MAST4: variants seen among roughly 807,000 people sequenced by gnomAD.
MAST4 encodes microtubule-associated serine/threonine-protein kinase 4.
MAST4 carries 89 observed loss-of-function variants against 162.7 expected under a neutral mutation model. The ratio of observed to expected loss-of-function variants is 0.55; its 90% CI spans 0.46 to 0.65. The LOEUF (loss-of-function observed/expected upper bound fraction) is 0.65. Ranked by LOEUF, MAST4 falls within the 30% of genes least tolerant of loss-of-function variation. The probability of loss-of-function intolerance (pLI) is 0.00; values close to 1 mark genes in which losing one functional copy is unlikely to be tolerated. For synonymous variants in MAST4, 1,479 were observed against 1,361.1 expected, an observed-to-expected ratio of 1.09 and a Z score of -1.91; for missense variants, 3,153 against 3,374.0, an observed-to-expected ratio of 0.93 and a Z score of 1.62.
chr5:66,787,920 T>C (rs994676971), intron 2 of MAST4, among the ~76,000 whole-genome samples: 5 of 152,200 alleles, frequency 3.3e-5, no homozygotes, highest in African/African-American at 1.2e-4. Flanking sequence ...TTCATGTCCA[T>C]CCTAATTTTC....
chr5:66,802,941 C>T (rs1037446244), intron 3 of MAST4, among the ~76,000 whole-genome samples: 1 of 152,076 alleles, frequency 6.6e-6, no homozygotes, highest in Admixed American at 6.5e-5. Flanking sequence ...CATATAGGCT[C>T]TTTGCTTTGC....
At position 66,647,194 on chromosome 5, in the gene MAST4, A is replaced by G. The variant is rs75557642; in HGVS notation, c.363+50176A>G. Among the ~76,000 whole-genome samples the G allele has an allele frequency of 4.8e-3, 736 of 152,224 alleles. 10 individuals are homozygous for G. The highest frequency in any genetic ancestry group is 0.017 in the African/African-American group (704 of 41,540). ...TCCTAAACACTTGGGATGTTTTTCT[A>G]AAGTTTGGCTCCAGGATCACTGATT... On this transcript the variant is annotated intron_variant, in intron 1 of 28. Coordinates refer to ENST00000403625, the MANE Select transcript of MAST4 (RefSeq NM_001164664.2).
chr5:66,599,720 T>C (rs1307765577), intron 1 of MAST4, among the ~76,000 whole-genome samples: 2 of 152,198 alleles, frequency 1.3e-5, no homozygotes, highest in Non-Finnish European at 2.9e-5. Context: ...TAGCTTATAC[T>C]CATAAAATGG....
chr5:67,091,439 C>T (rs986600058), intron 6 of MAST4, among the ~76,000 whole-genome samples: 3 of 152,100 alleles, frequency 2.0e-5, no homozygotes, highest in Non-Finnish European at 4.4e-5. Flanking sequence ...GTTTTTACCC[C>T]CAGCTCCAGC....
chr5:66,978,186 T>A (rs1378335778), intron 4 of MAST4, among the ~76,000 whole-genome samples: 1 of 152,208 alleles, frequency 6.6e-6, no homozygotes, highest in Admixed American at 6.5e-5. Context: ...AAATCAGAAA[T>A]CTTTCTAGTA....
intron 5 of MAST4, among the ~76,000 whole-genome samples, chr5:67,075,952 T>C (rs1761593480): frequency 6.6e-6 from 1 of 152,194 alleles, no homozygotes; most frequent in Non-Finnish European, 1.5e-5. Context: ...GTAGTAGTCC[T>C]GGGAAACTAG....
intron 24 of MAST4, among the ~76,000 whole-genome samples, chr5:67,151,767 CTTTTTTTTT>C (rs1163541260): frequency 8.6e-6 from 1 of 115,668 alleles, no homozygotes; most frequent in African/African-American, 3.3e-5. Context: ...TTCTTTTTTT[CTTTTTTTTT>C]TTTTTTTTTG....
In MAST4 at chr5:67,166,666, C is replaced by A. The variant is rs200131786; in HGVS notation, c.7487C>A (p.Ala2496Asp). 3,823 of 1,597,164 alleles carry A rather than the reference C, an allele frequency of 2.4e-3. 10 individuals carry two copies. The highest frequency in any genetic ancestry group is 2.7e-3 in the Non-Finnish European group (3,197 of 1,172,008). The change falls in exon 29 of 29, where the codon GCC (alanine) becomes GAC (aspartate). Residue 2496 changes from alanine to aspartate, a missense_variant. This residue lies in a region of MAST4 where 1,644 missense variants were observed against 1,495.0 expected (regional missense o/e 1.10). Coordinates refer to ENST00000403625, the MANE Select transcript of MAST4 (RefSeq NM_001164664.2). ...GCCGGGGGCATGCTGGAGCTTCCAG[C>A]CCCCAGCAACAGGGACCATAGGAAG... The part of the protein sequence containing the change: ...KAAGGMLELP[A>D]PSNRDHRKAQ...
At chr5:66,954,174 T>A (rs551472510) in intron 4 of MAST4, among the ~76,000 whole-genome samples, 1 of 152,278 alleles carries the variant, frequency 6.6e-6, no homozygotes, top group South Asian at 2.1e-4. Flanking sequence ...TAAAAATATA[T>A]CACACTACTC....
chr5:66,793,389 C>T (rs1209193091), intron 3 of MAST4, among the ~76,000 whole-genome samples: 1 of 152,180 alleles, frequency 6.6e-6, no homozygotes. Context: ...ACTCATTTTC[C>T]CATTTGCTTC....
At chr5:67,049,027 A>ATATATATATATATATACG (rs1757774630) in intron 4 of MAST4, among the ~76,000 whole-genome samples, 1 of 84,032 alleles carries the variant, frequency 1.2e-5, no homozygotes, top group Non-Finnish European at 2.5e-5. Flanking sequence ...ATATACGTAT[A>ATATATATATATATATACG]TATATATATA....
At chr5:66,829,448 T>C (rs539223549) in intron 3 of MAST4, among the ~76,000 whole-genome samples, 16 of 152,146 alleles carry the variant, frequency 1.1e-4, no homozygotes, top group Non-Finnish European at 2.2e-4. Flanking sequence ...GTACCCAAGT[T>C]TCTCTGATGA....
intron 11 of MAST4, among the ~76,000 whole-genome samples, chr5:67,112,683 C>G (rs1482822667): frequency 1.3e-5 from 2 of 152,174 alleles, no homozygotes; most frequent in African/African-American, 4.8e-5. Context: ...GCAAAGCTCC[C>G]TGGCTGCACT....
intron 1 of MAST4, among the ~76,000 whole-genome samples, chr5:66,689,985 A>G (rs554497453): frequency 6.6e-6 from 1 of 152,270 alleles, no homozygotes; most frequent in Admixed American, 6.5e-5. Flanking sequence ...CTGCAAGTGT[A>G]TCATAGGCCA....
At chr5:66,639,840 A>G (rs1191550408) in intron 1 of MAST4, among the ~76,000 whole-genome samples, 3 of 152,172 alleles carry the variant, frequency 2.0e-5, no homozygotes, top group Non-Finnish European at 1.5e-5. Context: ...TTTTTATTGT[A>G]TATATTTAAA....
intron 4 of MAST4, among the ~76,000 whole-genome samples, chr5:67,031,323 C>T (rs1478776805): frequency 6.6e-6 from 1 of 152,044 alleles, no homozygotes; most frequent in Admixed American, 6.6e-5. Context: ...GCCTTTTTAG[C>T]CTGATTTATT....
At chr5:66,967,450 A>G (rs1383708706) in intron 4 of MAST4, among the ~76,000 whole-genome samples, 1 of 152,172 alleles carries the variant, frequency 6.6e-6, no homozygotes, top group Non-Finnish European at 1.5e-5. Flanking sequence ...ATGTCTGGGT[A>G]GTAAGACCTT....
At chr5:66,815,237 C>T (rs931496666) in intron 3 of MAST4, among the ~76,000 whole-genome samples, 5 of 152,102 alleles carry the variant, frequency 3.3e-5, no homozygotes, top group Admixed American at 6.6e-5. Flanking sequence ...ATAAAGGAAG[C>T]GACATTTCTA....
chr5:66,725,146 C>G (rs917907239), intron 1 of MAST4, among the ~76,000 whole-genome samples: 3 of 151,588 alleles, frequency 2.0e-5, no homozygotes, highest in Non-Finnish European at 4.4e-5. Flanking sequence ...ATCTTAAGGA[C>G]AAAGTGATAC....
Sources: gnomAD v4.1 joint callset for allele counts (sites outside exome capture counted in the v4.1 genomes callset) on GRCh38, gnomAD v4.1.1 for gene constraint, gnomAD v4.1.1 regional missense constraint, MANE v1.5 for transcripts, NCBI Gene and HGNC (gene_info 2026-07-23, HGNC 2026-07-21) for gene names.